Variants in ZDHHC14 observed in about 807,000 individuals in gnomAD.
The protein encoded by ZDHHC14 is palmitoyltransferase ZDHHC14.
Under a neutral mutation model 47.7 loss-of-function variants are expected in ZDHHC14, and 16 were observed. That is an observed-to-expected ratio of 0.34 (90% confidence interval 0.23 to 0.51). The LOEUF is 0.51. Among genes scored for constraint, ZDHHC14 ranks in the 20% least tolerant of loss-of-function variants. ZDHHC14 has a pLI of 0.97. For synonymous variants in ZDHHC14, 293 were observed against 278.9 expected, an observed-to-expected ratio of 1.05 and a Z score of -0.50; for missense variants, 515 against 662.5, an observed-to-expected ratio of 0.78 and a Z score of 2.44.
intron 1 of ZDHHC14, among the ~76,000 whole-genome samples, chr6:157,489,876 G>A (rs564120688): frequency 1.6e-4 from 25 of 152,282 alleles, no homozygotes; most frequent in Non-Finnish European, 3.2e-4. Context: ...TGGGTGTGTG[G>A]CATTAGAAGC....
chr6:157,662,244 C>T (rs1457534695), intron 8 of ZDHHC14, among the ~76,000 whole-genome samples: 1 of 152,198 alleles, frequency 6.6e-6, no homozygotes, highest in Non-Finnish European at 1.5e-5. Context: ...TGCGGTAGCA[C>T]GATCTCTGCT....
At chr6:157,640,162 T>C (rs651057) in intron 5 of ZDHHC14, among the ~76,000 whole-genome samples, 119,424 of 152,180 alleles carry the variant, frequency 0.78, 47,149 homozygotes, top group African/African-American at 0.87. Context: ...AAGCCCTGCC[T>C]ATCAACACTC....
intron 5 of ZDHHC14, among the ~76,000 whole-genome samples, chr6:157,642,917 C>T (rs1045937522): frequency 3.3e-5 from 5 of 152,202 alleles, no homozygotes; most frequent in South Asian, 4.1e-4. Context: ...CCTGGAGAAG[C>T]AGGGGGTTGG....
chr6:157,637,054 C>T (rs1023962254), intron 5 of ZDHHC14, among the ~76,000 whole-genome samples: 13 of 152,204 alleles, frequency 8.5e-5, no homozygotes, highest in African/African-American at 2.7e-4. Context: ...GAAGAGTAAG[C>T]ATGCGTTGGG....
chr6:157,484,301 A>AT (rs1779710995), intron 1 of ZDHHC14, among the ~76,000 whole-genome samples: 1 of 117,428 alleles, frequency 8.5e-6, no homozygotes, highest in African/African-American at 2.9e-5. Flanking sequence ...GTGTATATAT[A>AT]TATACATATA....
At chr6:157,500,176 T>A (rs1315343897) in intron 1 of ZDHHC14, among the ~76,000 whole-genome samples, 1 of 152,052 alleles carries the variant, frequency 6.6e-6, no homozygotes, top group Non-Finnish European at 1.5e-5. Flanking sequence ...GACTTGAATA[T>A]ATGAGGGAAG....
At chr6:157,489,830 G>T (rs1368500419) in intron 1 of ZDHHC14, among the ~76,000 whole-genome samples, 1 of 152,192 alleles carries the variant, frequency 6.6e-6, no homozygotes, top group African/African-American at 2.4e-5. Flanking sequence ...GTGCAGTGGC[G>T]TGATCATGGC....
intron 1 of ZDHHC14, among the ~76,000 whole-genome samples, chr6:157,480,731 A>G (rs1004353555): frequency 6.6e-6 from 1 of 152,240 alleles, no homozygotes; most frequent in South Asian, 2.1e-4. Context: ...TTGTATCACC[A>G]TGATGGACAT....
chr6:157,535,414 C>T (rs1781512881), intron 1 of ZDHHC14, among the ~76,000 whole-genome samples: 1 of 152,178 alleles, frequency 6.6e-6, no homozygotes, highest in South Asian at 2.1e-4. Context: ...AGTTCTCACC[C>T]GACAAAGGTA....
At chr6:157,585,732 T>C (rs1783669947) in intron 2 of ZDHHC14, among the ~76,000 whole-genome samples, 1 of 152,208 alleles carries the variant, frequency 6.6e-6, no homozygotes, top group South Asian at 2.1e-4. Context: ...CTCCCTGAGG[T>C]ACACAGCTGG....
At chr6:157,484,297 A>ATATACGTATATATATATGTGTG in intron 1 of ZDHHC14, among the ~76,000 whole-genome samples, 1 of 117,072 alleles carries the variant, frequency 8.5e-6, no homozygotes. Context: ...ATATGTGTAT[A>ATATACGTATATATATATGTGTG]TATATATACA....
chr6:157,609,489 T>G (rs113271551), intron 3 of ZDHHC14, among the ~76,000 whole-genome samples: 1 of 152,214 alleles, frequency 6.6e-6, no homozygotes, highest in African/African-American at 2.4e-5. Flanking sequence ...CTTCCCATCA[T>G]CATCTCTCTC....
intron 1 of ZDHHC14, among the ~76,000 whole-genome samples, chr6:157,531,600 A>G (rs1781370621): frequency 6.8e-6 from 1 of 147,844 alleles, no homozygotes; most frequent in African/African-American, 2.5e-5. Flanking sequence ...CCACCCCCCA[A>G]CCCCCACACT....
At chr6:157,559,910 G>T (rs966618901) in intron 2 of ZDHHC14, among the ~76,000 whole-genome samples, 3 of 152,224 alleles carry the variant, frequency 2.0e-5, no homozygotes, top group African/African-American at 7.2e-5. Flanking sequence ...CATGGACAGG[G>T]CTGCAGGGAG....
chr6:157,432,415 T>A (rs1339706950), intron 1 of ZDHHC14, among the ~76,000 whole-genome samples: 2 of 152,124 alleles, frequency 1.3e-5, no homozygotes, highest in African/African-American at 4.8e-5. Context: ...GAGCCCTTAC[T>A]TCAGGGAGCT....
At position 157,676,099 on chromosome 6, in the gene ZDHHC14, G is replaced by GC. The variant is rs142703357; in HGVS notation, c.*2981dup. On this transcript the variant is annotated 3_prime_UTR_variant, in exon 9 of 9. Coordinates refer to ENST00000359775, the MANE Select transcript of ZDHHC14 (RefSeq NM_024630.3). ...TGGCAGACAGCCTGCATCCAGGAGG[G>GC]CCCCAGGAAGTGGGGATGCTGCAGG... The GC allele has an allele frequency of 2.6e-5, 4 of 152,298 alleles. No homozygotes were observed. The East Asian group carries it at 7.7e-4, about 29-fold the overall frequency. 9.4% of individuals were successfully genotyped at this position (152,298 alleles called of 1,614,324 possible).
intron 1 of ZDHHC14, among the ~76,000 whole-genome samples, chr6:157,411,289 C>T (rs910133666): frequency 5.3e-5 from 8 of 152,042 alleles, no homozygotes; most frequent in Admixed American, 2.6e-4. Context: ...TGACATCATA[C>T]AGAGATGGAG....
chr6:157,416,972 GTTTTTTT>G (rs71027335), intron 1 of ZDHHC14, among the ~76,000 whole-genome samples: 3 of 45,560 alleles, frequency 6.6e-5, no homozygotes, highest in African/African-American at 3.3e-4. Flanking sequence ...TGCCTGGCTA[GTTTTTTT>G]TTTTTTTTTT....
chr6:157,429,845 G>T (rs1008665687), intron 1 of ZDHHC14, among the ~76,000 whole-genome samples: 1 of 152,160 alleles, frequency 6.6e-6, no homozygotes, highest in Non-Finnish European at 1.5e-5. Flanking sequence ...ATGATGGCAA[G>T]AGACAATGGA....
Sources: gnomAD v4.1 joint callset for allele counts (sites outside exome capture counted in the v4.1 genomes callset) on GRCh38, gnomAD v4.1.1 for gene constraint, MANE v1.5 for transcripts, NCBI Gene and HGNC (gene_info 2026-07-23, HGNC 2026-07-21) for gene names.